The following UMAD1 variants were observed in gnomAD, a reference collection of about 807,000 sequenced individuals.
UMAD1 encodes the protein UBAP1-MVB12-associated (UMA)-domain containing protein 1.
Under a neutral mutation model 6.1 loss-of-function variants are expected in UMAD1, and 8 were observed. The observed-to-expected ratio is 1.30, with a 90% confidence interval of 0.76 to 2.35. The LOEUF (loss-of-function observed/expected upper bound fraction) is 2.35, where lower values mean the gene tolerates loss of function less well. Among genes scored for constraint, UMAD1 ranks in the 30% most tolerant of loss-of-function variants. UMAD1 has a pLI of 0.00. For synonymous variants in UMAD1, 56 were observed against 31.4 expected (o/e 1.78, Z -2.61); for missense variants, 130 against 78.4 (o/e 1.66, Z -2.49).
chr7:7,642,330 T>G (rs1440134954), intron 1 of UMAD1, among the ~76,000 whole-genome samples: 1 of 152,096 alleles, frequency 6.6e-6, no homozygotes, highest in African/African-American at 2.4e-5. Context: ...TGTTTGTTTT[T>G]TTTTGTTCAG....
intron 3 of UMAD1, among the ~76,000 whole-genome samples, chr7:7,834,386 C>T (rs1783525672): frequency 6.6e-6 from 1 of 152,118 alleles, no homozygotes; most frequent in South Asian, 2.1e-4. Context: ...ATCCTATTTC[C>T]CAGGCTTTTT....
At chr7:7,734,576 A>G (rs1295642697) in intron 2 of UMAD1, among the ~76,000 whole-genome samples, 1 of 152,196 alleles carries the variant, frequency 6.6e-6, no homozygotes, top group African/African-American at 2.4e-5. Flanking sequence ...ATTCAAAAGT[A>G]TATAAATTTT....
At chr7:7,758,867 T>C (rs1210698545) in intron 2 of UMAD1, among the ~76,000 whole-genome samples, 1 of 152,186 alleles carries the variant, frequency 6.6e-6, no homozygotes, top group Non-Finnish European at 1.5e-5. Flanking sequence ...CCCACCCTGT[T>C]AGAGACAATA....
intron 2 of UMAD1, among the ~76,000 whole-genome samples, chr7:7,782,427 C>A (rs1782364141): frequency 6.6e-6 from 1 of 152,074 alleles, no homozygotes; most frequent in African/African-American, 2.4e-5. Flanking sequence ...GTTGTCTTAT[C>A]TCATCTTTTT....
intron 2 of UMAD1, chr7:7,718,635 A>AT (rs1230745430): frequency 1.3e-5 from 2 of 151,918 alleles, no homozygotes; most frequent in Non-Finnish European, 2.9e-5. Flanking sequence ...CTAGGATTTT[A>AT]TTTTTTCTTT....
chr7:7,775,169 G>C (rs1227760949), intron 2 of UMAD1, among the ~76,000 whole-genome samples: 2 of 152,142 alleles, frequency 1.3e-5, no homozygotes, highest in Admixed American at 1.3e-4. Context: ...TATGGCTTCT[G>C]TCTGTTCAAA....
chr7:7,653,003 G>C (rs910268499), intron 1 of UMAD1, among the ~76,000 whole-genome samples: 2 of 152,196 alleles, frequency 1.3e-5, no homozygotes, highest in African/African-American at 4.8e-5. Context: ...GCTCCCCAGT[G>C]CTCTAGAGAG....
intron 2 of UMAD1, among the ~76,000 whole-genome samples, chr7:7,760,388 C>G (rs958301522): frequency 6.8e-6 from 1 of 147,798 alleles, no homozygotes; most frequent in African/African-American, 2.5e-5. Flanking sequence ...AACCCTGTCT[C>G]TACTAAAAAT....
In UMAD1 at chr7:7,878,303, G is replaced by C. The variant is rs985613362; in HGVS notation, c.*765G>C. ...GCTCTCCTTACCACATATGTTCCCA[G>C]TTTATGAAGAGATCCACATTTCCTT... On this transcript the variant is annotated 3_prime_UTR_variant, in exon 4 of 4. Coordinates refer to ENST00000682710, the MANE Select transcript of UMAD1 (RefSeq NM_001302348.2). The C allele has an allele frequency of 6.6e-6, 1 of 152,322 alleles. No homozygotes were observed. Among genetic ancestry groups the C allele is most frequent in the African/African-American group, 2.4e-5 (1 of 41,554 alleles). The allele number at this position is 152,322 out of a possible 1,614,324, so 9.4% of individuals were successfully genotyped here.
At chr7:7,657,385 C>T (rs1785368948) in intron 1 of UMAD1, among the ~76,000 whole-genome samples, 1 of 152,164 alleles carries the variant, frequency 6.6e-6, no homozygotes, top group African/African-American at 2.4e-5. Context: ...GAAGTCTTTG[C>T]CCATGCCTAT....
At chr7:7,857,557 A>T (rs1207731252) in intron 3 of UMAD1, among the ~76,000 whole-genome samples, 2 of 152,254 alleles carry the variant, frequency 1.3e-5, no homozygotes, top group Admixed American at 1.3e-4. Flanking sequence ...AGTCGTCCTC[A>T]TGAACACAGG....
intron 2 of UMAD1, among the ~76,000 whole-genome samples, chr7:7,730,243 G>C (rs4720753): frequency 0.99 from 150,609 of 152,300 alleles, 74,476 homozygotes; most frequent in Middle Eastern, 1. Context: ...TTGGAATCAC[G>C]TGGGGTGCTC....
chr7:7,745,937 C>T (rs928620949), intron 2 of UMAD1, among the ~76,000 whole-genome samples: 4 of 152,148 alleles, frequency 2.6e-5, no homozygotes, highest in Non-Finnish European at 4.4e-5. Flanking sequence ...CTTACCTTCT[C>T]ATGGCTCACT....
intron 2 of UMAD1, among the ~76,000 whole-genome samples, chr7:7,756,780 T>C (rs1171196956): frequency 6.6e-6 from 1 of 152,224 alleles, no homozygotes; most frequent in Non-Finnish European, 1.5e-5. Flanking sequence ...CGTAATCTGC[T>C]AGACACTTAT....
chr7:7,807,819 T>C (rs1782948041), intron 3 of UMAD1, among the ~76,000 whole-genome samples: 1 of 152,092 alleles, frequency 6.6e-6, no homozygotes, highest in African/African-American at 2.4e-5. Context: ...CCTGAAGTAG[T>C]GTTTGTCTCT....
chr7:7,809,949 A>G (rs1033012124), intron 3 of UMAD1, among the ~76,000 whole-genome samples: 1 of 151,886 alleles, frequency 6.6e-6, no homozygotes, highest in African/African-American at 2.4e-5. Flanking sequence ...TTTGGTTACT[A>G]CTCCTCAAAG....
intron 1 of UMAD1, among the ~76,000 whole-genome samples, chr7:7,666,015 G>A (rs543993464): frequency 2.0e-5 from 3 of 151,776 alleles, no homozygotes; most frequent in African/African-American, 4.8e-5. Flanking sequence ...GTGGACCTAC[G>A]TTTTCATTTC....
rs975868563 is a variant in UMAD1 at position 7,878,267 on chromosome 7, G to C, written c.*729G>C. On this transcript the variant is annotated 3_prime_UTR_variant, in exon 4 of 4. Transcript: ENST00000682710. ...AAAGAACTTTCCCTGCTTCTGCCTC[G>C]GTTGCCATTTGCTCTCCTTACCACA... is the stretch of plus-strand genomic sequence containing the variant. 2.6e-5 allele frequency: 4 copies of C among 152,218 alleles called. No individual in the cohort carries two copies. Among genetic ancestry groups the C allele is most frequent in the Admixed American group, 6.6e-5 (1 of 15,252 alleles). The allele number at this position is 152,218 out of a possible 1,614,324, so 9.4% of individuals were successfully genotyped here.
At chr7:7,738,253 C>G (rs1428170882) in intron 2 of UMAD1, among the ~76,000 whole-genome samples, 1 of 152,202 alleles carries the variant, frequency 6.6e-6, no homozygotes, top group East Asian at 1.9e-4. Flanking sequence ...TGGGATCTGA[C>G]TCTCTGAACC....
Sources: allele counts gnomAD v4.1 joint callset (sites outside exome capture counted in the v4.1 genomes callset), GRCh38; gene constraint gnomAD v4.1.1; transcripts MANE v1.5; gene names NCBI Gene and HGNC (gene_info 2026-07-23, HGNC 2026-07-21).